The following TSPAN9 variants were observed in gnomAD, a reference collection of about 807,000 sequenced individuals.
The protein encoded by TSPAN9 is tetraspanin-9.
A neutral mutation model predicts 31.0 loss-of-function variants in TSPAN9; 16 were observed. The ratio of observed to expected loss-of-function variants is 0.52; its 90% CI spans 0.35 to 0.78. The LOEUF (loss-of-function observed/expected upper bound fraction) is 0.78, where lower values mean the gene tolerates loss of function less well. Ranked by LOEUF, TSPAN9 falls within the 30% of genes least tolerant of loss-of-function variation. TSPAN9 has a pLI of 0.01. For missense variants in TSPAN9, 272 were observed against 312.5 expected (o/e 0.87, Z 0.98); for synonymous variants, 145 against 121.6 (o/e 1.19, Z -1.27).
chr12:3,096,037 G>C (rs61919694), intron 2 of TSPAN9, among the ~76,000 whole-genome samples: 5 of 50,960 alleles, frequency 9.8e-5, no homozygotes, highest in South Asian at 8.4e-4. Flanking sequence ...TCCAGCCGCT[G>C]CCTCCCGGGC....
chr12:3,171,052 C>T (rs755720410), intron 2 of TSPAN9, among the ~76,000 whole-genome samples: 36 of 152,122 alleles, frequency 2.4e-4, no homozygotes, highest in Non-Finnish European at 2.9e-5. Context: ...ATCCAGCCAC[C>T]GTTCGTCACC....
chr12:3,224,571 G>C (rs1351601650), intron 3 of TSPAN9, among the ~76,000 whole-genome samples: 2 of 152,208 alleles, frequency 1.3e-5, no homozygotes, highest in Non-Finnish European at 2.9e-5. Context: ...GGGCAGCCCA[G>C]CTGGGAGAAG....
chr12:3,141,079 G>A (rs149734922), intron 2 of TSPAN9, among the ~76,000 whole-genome samples: 36 of 151,906 alleles, frequency 2.4e-4, no homozygotes, highest in African/African-American at 7.3e-4. Flanking sequence ...TTCAGTTGAC[G>A]AGGACCACGG....
At position 3,147,056 on chromosome 12, in the gene TSPAN9, C is replaced by A. The variant is rs2098337595; in HGVS notation, c.-17-54121C>A. Among the ~76,000 whole-genome samples, 1 of 152,050 alleles carries A rather than the reference C, an allele frequency of 6.6e-6. No homozygotes were observed. The highest frequency in any genetic ancestry group is 6.6e-5 in the Admixed American group (1 of 15,262). On this transcript the variant is annotated intron_variant, in intron 2 of 8. Coordinates refer to ENST00000011898, the MANE Select transcript of TSPAN9 (RefSeq NM_006675.5). This position sits in a 1 kb window ranked among gnomAD's most constrained non-coding sequence, Gnocchi z 4.3. ...TGTAAGTGAAAGTTCATTGTTGGTACCTTGATTTTAAGGTGTTTGATTAAA... is the reference window on the plus strand; with the variant it reads ...TGTAAGTGAAAGTTCATTGTTGGTAACTTGATTTTAAGGTGTTTGATTAAA...
rs1027008299 is a variant in TSPAN9, at chr12:3,107,626, T to C, written c.-18+23907T>C. On this transcript the variant is annotated intron_variant, in intron 2 of 8. Coordinates refer to ENST00000011898, the MANE Select transcript of TSPAN9 (RefSeq NM_006675.5). This position sits in a 1 kb window ranked among gnomAD's most constrained non-coding sequence, Gnocchi z 4.1. ...TTGGGGCACTGGCTTCGTGGTGGCCTCTTCCCTGTGGGACTGCCAAGCTGC... is the reference window on the plus strand; with the variant it reads ...TTGGGGCACTGGCTTCGTGGTGGCCCCTTCCCTGTGGGACTGCCAAGCTGC... 2.0e-5 allele frequency among the ~76,000 whole-genome samples: 3 copies of C among 152,212 alleles called. No individual in the cohort carries two copies. Among genetic ancestry groups the C allele is most frequent in the Non-Finnish European group, 4.4e-5 (3 of 68,044 alleles).
chr12:3,117,186 G>A lies in TSPAN9; in HGVS notation c.-18+33467G>A, dbSNP rs187016535. ...GGCTGTCTTGGGTGGCTGCACAGAC[G>A]GTTCCTCGTCATCCAGGTTTCCTGA... is the stretch of plus-strand genomic sequence containing the variant. On this transcript the variant is annotated intron_variant, in intron 2 of 8. Coordinates refer to ENST00000011898, the MANE Select transcript of TSPAN9 (RefSeq NM_006675.5). 4.0e-3 allele frequency among the ~76,000 whole-genome samples: 602 copies of A among 152,238 alleles called. 17 individuals carry two copies. The highest frequency in any genetic ancestry group is 0.035 in the Admixed American group (534 of 15,300).
rs145965893 is a variant in TSPAN9 at position 3,107,757 on chromosome 12, C to T, written c.-18+24038C>T. Among the ~76,000 whole-genome samples, 65 of 152,296 alleles carry T rather than the reference C, an allele frequency of 4.3e-4. No individual in the cohort carries two copies. The East Asian group carries it at 9.1e-3, about 21-fold the overall frequency. ...TATTTATTTGTAAATTACCTTGTTC[C>T]AGAAAAGGTGATCAAAACAAATCCA... On this transcript the variant is annotated intron_variant, in intron 2 of 8. Coordinates refer to ENST00000011898, the MANE Select transcript of TSPAN9 (RefSeq NM_006675.5). This position sits in a 1 kb window ranked among gnomAD's most constrained non-coding sequence, Gnocchi z 4.1.
rs142253343 is a variant in TSPAN9, at chr12:3,228,265, T to C, written c.63+27009T>C. Among the ~76,000 whole-genome samples, 639 of 152,324 alleles carry C rather than the reference T, an allele frequency of 4.2e-3. 4 individuals are homozygous for C. The highest frequency in any genetic ancestry group is 0.015 in the African/African-American group (608 of 41,570). On this transcript the variant is annotated intron_variant, in intron 3 of 8. Transcript: ENST00000011898. ...CTGTAATCTCAGCTACTTGGGGGGC[T>C]GAGGCTGGAGGATCACTTGAGCCCG...
chr12:3,089,575 G>A (rs1023759916), intron 2 of TSPAN9, among the ~76,000 whole-genome samples: 2 of 151,964 alleles, frequency 1.3e-5, no homozygotes, highest in Admixed American at 6.6e-5. Flanking sequence ...GATTACAGGT[G>A]TGAGCCACTG....
chr12:3,180,707 A>C (rs1442885455), intron 2 of TSPAN9, among the ~76,000 whole-genome samples: 2 of 152,160 alleles, frequency 1.3e-5, no homozygotes, highest in African/African-American at 4.8e-5. Flanking sequence ...CCATGTTTCC[A>C]GAGTAAGTGC....
intron 2 of TSPAN9, 199 bp downstream of exon 2, chr12:3,083,918 A>C (rs954666770): frequency 2.6e-5 from 4 of 152,264 alleles, no homozygotes; most frequent in Non-Finnish European, 5.9e-5. Context: ...TTTGGGGGCC[A>C]GGCAAGAATG....
At chr12:3,236,735 G>C (rs979432024) in intron 3 of TSPAN9, among the ~76,000 whole-genome samples, 13 of 152,152 alleles carry the variant, frequency 8.5e-5, no homozygotes, top group Non-Finnish European at 1.2e-4. Flanking sequence ...TCCAGGCGGT[G>C]GGGTATTTTT....
At chr12:3,201,098 A>G in intron 2 of TSPAN9, 79 bp from the exon 3 acceptor site, 3 of 1,345,152 alleles carry the variant, frequency 2.2e-6, no homozygotes, top group East Asian at 2.3e-5. Flanking sequence ...GGCCGGCGTT[A>G]AGACCGACAA....
At chr12:3,151,650 C>G (rs992857456) in intron 2 of TSPAN9, among the ~76,000 whole-genome samples, 11 of 152,206 alleles carry the variant, frequency 7.2e-5, no homozygotes, top group Non-Finnish European at 5.9e-5. Flanking sequence ...GACATGGCGC[C>G]CATTTCCAGG....
At position 3,281,802 on chromosome 12, in the gene TSPAN9, C is replaced by T. The variant is rs780254973; in HGVS notation, c.633C>T (p.Cys211=). 10 of 1,614,150 alleles carry T rather than the reference C, an allele frequency of 6.2e-6. No homozygotes were observed. The highest frequency in any genetic ancestry group is 2.7e-5 in the African/African-American group (2 of 75,062). ...NKHVLGTVGM[C]ILIMQILGMA... ...ACGTGCTGGGCACGGTGGGGATGTG[C>T]ATCCTCATCATGCAGGTAAGAGGGG... is the stretch of plus-strand genomic sequence containing the variant. Residue 211 remains cysteine (C), a synonymous_variant, in exon 8 of 9, where the codon TGC becomes TGT. Transcript: ENST00000011898.
At chr12:3,259,321 C>G (rs1450487258) in intron 3 of TSPAN9, among the ~76,000 whole-genome samples, 1 of 152,220 alleles carries the variant, frequency 6.6e-6, no homozygotes, top group African/African-American at 2.4e-5. Context: ...TCCCAGGATC[C>G]TGGTGATGCT....
intron 3 of TSPAN9, among the ~76,000 whole-genome samples, chr12:3,236,931 C>T (rs1455127565): frequency 6.6e-6 from 1 of 152,120 alleles, no homozygotes; most frequent in Non-Finnish European, 1.5e-5. Flanking sequence ...CAGATGTGGC[C>T]CTGCCCTTAG....
At chr12:3,138,339 A>G (rs2098333032) in intron 2 of TSPAN9, among the ~76,000 whole-genome samples, 1 of 151,938 alleles carries the variant, frequency 6.6e-6, no homozygotes, top group Admixed American at 6.6e-5. Context: ...ACTGCGGGTC[A>G]TTCACCACCT....
At chr12:3,224,995 C>A (rs2098386426) in intron 3 of TSPAN9, among the ~76,000 whole-genome samples, 1 of 152,204 alleles carries the variant, frequency 6.6e-6, no homozygotes, top group Non-Finnish European at 1.5e-5. Flanking sequence ...TCCAGCCACT[C>A]CACTGTGTGT....
Sources: gnomAD v4.1 joint callset for allele counts (sites outside exome capture counted in the v4.1 genomes callset) on GRCh38, gnomAD v4.1.1 for gene constraint, Gnocchi (gnomAD v3.1) non-coding constraint, MANE v1.5 for transcripts, NCBI Gene and HGNC (gene_info 2026-07-23, HGNC 2026-07-21) for gene names.